The following PLXDC2 variants were observed in gnomAD, a reference collection of about 807,000 sequenced individuals.
PLXDC2 encodes the protein plexin domain-containing protein 2.
PLXDC2 carries 40 observed loss-of-function variants against 68.9 expected under a neutral mutation model. The observed-to-expected ratio is 0.58, with a 90% CI of 0.45 to 0.76. PLXDC2 has a LOEUF of 0.76. Ranked by LOEUF, PLXDC2 falls within the 30% of genes least tolerant of loss-of-function variation. The pLI, the probability that PLXDC2 is intolerant of heterozygous loss-of-function variation, is 0.00. For synonymous variants in PLXDC2, 243 were observed against 234.2 expected (o/e 1.04, Z -0.34); for missense variants, 644 against 661.9 (o/e 0.97, Z 0.30).
chr10:20,095,939 C>T (rs1309336512), intron 4 of PLXDC2, among the ~76,000 whole-genome samples: 1 of 152,140 alleles, frequency 6.6e-6, no homozygotes, highest in African/African-American at 2.4e-5. Flanking sequence ...ATAAATATTT[C>T]TCTTCTAAGA....
intron 1 of PLXDC2, among the ~76,000 whole-genome samples, chr10:19,850,533 C>G (rs568262409): frequency 1.2e-4 from 18 of 152,070 alleles, no homozygotes; most frequent in Non-Finnish European, 2.4e-4. Context: ...AGATTAGTAT[C>G]TCATGAACGT....
intron 1 of PLXDC2, among the ~76,000 whole-genome samples, chr10:19,933,957 A>T (rs566722892): frequency 6.6e-6 from 1 of 152,170 alleles, no homozygotes; most frequent in Non-Finnish European, 1.5e-5. Context: ...AAATGAAATT[A>T]CTTTGAGCAA....
At chr10:19,858,740 C>T (rs1837262943) in intron 1 of PLXDC2, among the ~76,000 whole-genome samples, 3 of 151,874 alleles carry the variant, frequency 2.0e-5, no homozygotes, top group East Asian at 1.9e-4. Context: ...GGCAGGAAGA[C>T]GGGAGGTAAA....
chr10:20,009,258 C>T (rs1835072294), intron 2 of PLXDC2, among the ~76,000 whole-genome samples: 1 of 152,188 alleles, frequency 6.6e-6, no homozygotes, highest in Non-Finnish European at 1.5e-5. Context: ...TAGAATAAAA[C>T]ACGTACAAGG....
intron 1 of PLXDC2, among the ~76,000 whole-genome samples, chr10:19,843,725 C>G (rs1432891633): frequency 6.6e-6 from 1 of 152,120 alleles, no homozygotes; most frequent in South Asian, 2.1e-4. Flanking sequence ...AAAATGTGAT[C>G]TCCTGGAGCT....
At chr10:20,089,617 C>A (rs1446831040) in intron 4 of PLXDC2, among the ~76,000 whole-genome samples, 1 of 152,070 alleles carries the variant, frequency 6.6e-6, no homozygotes, top group African/African-American at 2.4e-5. Context: ...CTATGGTTTT[C>A]TTTTGTCTGT....
intron 2 of PLXDC2, among the ~76,000 whole-genome samples, chr10:20,045,796 C>A (rs1310022436): frequency 6.6e-6 from 1 of 152,086 alleles, no homozygotes; most frequent in Non-Finnish European, 1.5e-5. Flanking sequence ...TTTTTTCTTA[C>A]ATTTACCTGA....
At chr10:20,265,818 A>G (rs1336258036) in intron 13 of PLXDC2, among the ~76,000 whole-genome samples, 1 of 152,160 alleles carries the variant, frequency 6.6e-6, no homozygotes, top group Non-Finnish European at 1.5e-5. Flanking sequence ...ACACCCAAAG[A>G]TGGGCAGGTG....
At chr10:19,975,413 G>A (rs972203933) in intron 1 of PLXDC2, among the ~76,000 whole-genome samples, 2 of 152,032 alleles carry the variant, frequency 1.3e-5, no homozygotes, top group African/African-American at 2.4e-5. Context: ...AGCAGAGATC[G>A]CGCCTCTGCC....
At chr10:20,261,166 G>A (rs1304427876) in intron 13 of PLXDC2, among the ~76,000 whole-genome samples, 8 of 152,006 alleles carry the variant, frequency 5.3e-5, no homozygotes, top group Admixed American at 3.3e-4. Context: ...GTTGTTACTT[G>A]TTTGCTGTAT....
rs191291276 is a variant in PLXDC2, at chr10:19,871,445, T to C, written c.112+54254T>C. Among the ~76,000 whole-genome samples the C allele has an allele frequency of 3.5e-3, 528 of 152,318 alleles. 3 individuals are homozygous for C. Among genetic ancestry groups the C allele is most frequent in the Non-Finnish European group, 5.5e-3 (377 of 68,018 alleles). On this transcript the variant is annotated intron_variant, in intron 1 of 13. Transcript: ENST00000377252. The stretch of plus-strand genomic sequence containing the variant: ...GAAATTTTATTATAAGGTTTCCTTT[T>C]TTAAATTCTTTGAGCTAAAAGTCCT...
chr10:20,229,569 AGAT>A (rs1835333474), intron 12 of PLXDC2, among the ~76,000 whole-genome samples: 1 of 151,884 alleles, frequency 6.6e-6, no homozygotes, highest in African/African-American at 2.4e-5. Flanking sequence ...TGGAGAGAAA[AGAT>A]ATGCTAGTCT....
intron 7 of PLXDC2, among the ~76,000 whole-genome samples, chr10:20,165,329 A>T (rs1040331038): frequency 6.6e-6 from 1 of 151,860 alleles, no homozygotes. Context: ...CACATTGTGC[A>T]GGTTATTTAC....
intron 4 of PLXDC2, among the ~76,000 whole-genome samples, chr10:20,080,918 A>C (rs1836544841): frequency 6.6e-6 from 1 of 152,204 alleles, no homozygotes; most frequent in Admixed American, 6.5e-5. Context: ...ACTTCCACAA[A>C]GCTAGAATTT....
chr10:19,982,263 T>G (rs1480299497), intron 1 of PLXDC2, among the ~76,000 whole-genome samples: 1 of 152,242 alleles, frequency 6.6e-6, no homozygotes, highest in Non-Finnish European at 1.5e-5. Flanking sequence ...ACATGACTAA[T>G]TTTAATCCTA....
intron 12 of PLXDC2, among the ~76,000 whole-genome samples, chr10:20,240,507 G>A (rs1835500180): frequency 6.6e-6 from 1 of 152,010 alleles, no homozygotes; most frequent in Non-Finnish European, 1.5e-5. Flanking sequence ...ATTTGATCAA[G>A]CATGATATTA....
intron 4 of PLXDC2, among the ~76,000 whole-genome samples, chr10:20,127,796 C>T (rs1044226213): frequency 6.6e-6 from 1 of 152,016 alleles, no homozygotes; most frequent in Non-Finnish European, 1.5e-5. Flanking sequence ...TCAACTCCAG[C>T]CTAGGCAACA....
intron 4 of PLXDC2, among the ~76,000 whole-genome samples, chr10:20,076,896 C>T (rs1412203400): frequency 6.6e-6 from 1 of 152,172 alleles, no homozygotes; most frequent in Non-Finnish European, 1.5e-5. Context: ...CTCTGGGACA[C>T]TGTCTGGAAA....
intron 1 of PLXDC2, among the ~76,000 whole-genome samples, chr10:19,900,980 G>GGT (rs1838148498): frequency 9.2e-6 from 1 of 108,660 alleles, no homozygotes; most frequent in Non-Finnish European, 1.8e-5. Context: ...ATATATGTGT[G>GGT]ATGTGTGTGT....
Sources: allele counts gnomAD v4.1 joint callset (sites outside exome capture counted in the v4.1 genomes callset), GRCh38; gene constraint gnomAD v4.1.1; transcripts MANE v1.5; gene names NCBI Gene and HGNC (gene_info 2026-07-23, HGNC 2026-07-21).